The following PARD3 variants were observed in gnomAD, a reference collection of about 807,000 sequenced individuals.
The protein encoded by PARD3 is par-3 family cell polarity regulator.
In PARD3, 75 loss-of-function variants were observed where a neutral mutation model predicts 155.4. The observed-to-expected ratio is 0.48, with a 90% CI of 0.40 to 0.58. The LOEUF is 0.58. Ranked by LOEUF, PARD3 falls within the 20% of genes least tolerant of loss-of-function variation. PARD3 has a pLI of 0.00. For synonymous variants in PARD3, 576 were observed against 610.5 expected (o/e 0.94, Z 0.83); for missense variants, 1,642 against 1,721.7 (o/e 0.95, Z 0.82).
At chr10:34,412,605 C>T (rs953630151) in intron 5 of PARD3, among the ~76,000 whole-genome samples, 2 of 152,080 alleles carry the variant, frequency 1.3e-5, no homozygotes, top group Non-Finnish European at 1.5e-5. Flanking sequence ...ATCTTGAATC[C>T]GAGAAATGAA....
chr10:34,111,247 A>AT lies in PARD3; in HGVS notation c.3983dup (p.Asp1328GlufsTer19). 6.2e-7 allele frequency: 1 copy of AT among 1,612,834 alleles called. No homozygotes were observed. The highest frequency in any genetic ancestry group is 1.1e-5 in the South Asian group (1 of 91,032). The stretch of plus-strand genomic sequence containing the variant: ...CAACCTGAGAAGGGGAGGGGGGCAC[A>AT]TCTTGCCGGAAGGGCCCCTTGGGAG... On this transcript the variant is annotated frameshift_variant, in exon 25 of 25. Coordinates refer to ENST00000374788, the MANE Select transcript of PARD3 (RefSeq NM_001184785.2). LOFTEE classifies it high-confidence loss of function.
intron 2 of PARD3, among the ~76,000 whole-genome samples, chr10:34,608,531 AT>A (rs2090636901): frequency 7.4e-6 from 1 of 134,676 alleles, no homozygotes; most frequent in South Asian, 2.3e-4. Context: ...GTAAAAAAGA[AT>A]ACTTTTTTTT....
intron 23 of PARD3, among the ~76,000 whole-genome samples, chr10:34,123,112 G>A (rs1947093479): frequency 6.6e-6 from 1 of 152,138 alleles, no homozygotes; most frequent in Non-Finnish European, 1.5e-5. Flanking sequence ...ACCCTGTGAT[G>A]AAATTGGTTA....
At chr10:34,287,251 A>T (rs1485335824) in intron 20 of PARD3, among the ~76,000 whole-genome samples, 1 of 152,176 alleles carries the variant, frequency 6.6e-6, no homozygotes, top group African/African-American at 2.4e-5. Context: ...ATTTTAATAC[A>T]TCATTTTACT....
chr10:34,279,163 T>TTTTA (rs1210842587), intron 21 of PARD3, among the ~76,000 whole-genome samples: 2 of 148,126 alleles, frequency 1.4e-5, no homozygotes, highest in Non-Finnish European at 1.5e-5. Context: ...TTTTTTTTTT[T>TTTTA]AGAGACAAGC....
intron 22 of PARD3, among the ~76,000 whole-genome samples, chr10:34,243,015 T>C (rs1417076703): frequency 6.6e-6 from 1 of 152,234 alleles, no homozygotes; most frequent in East Asian, 1.9e-4. Flanking sequence ...TCCATTTGCA[T>C]TTCTATCTTG....
At chr10:34,281,728 T>G (rs1956168237) in intron 21 of PARD3, among the ~76,000 whole-genome samples, 2 of 152,188 alleles carry the variant, frequency 1.3e-5, no homozygotes, top group South Asian at 2.1e-4. Context: ...CTTTTAGTTT[T>G]TCAATATTTA....
At chr10:34,775,612 T>C (rs1054953424) in intron 1 of PARD3, among the ~76,000 whole-genome samples, 2 of 152,030 alleles carry the variant, frequency 1.3e-5, no homozygotes, top group African/African-American at 4.8e-5. Context: ...GTCCAAACAA[T>C]CTACTACAAG....
chr10:34,592,219 G>A (rs916791418), intron 2 of PARD3, among the ~76,000 whole-genome samples: 1 of 152,118 alleles, frequency 6.6e-6, no homozygotes, highest in African/African-American at 2.4e-5. Context: ...CACAATATTT[G>A]TTCGTAACAC....
At chr10:34,140,469 T>C (rs1048878197) in intron 22 of PARD3, among the ~76,000 whole-genome samples, 2 of 152,128 alleles carry the variant, frequency 1.3e-5, no homozygotes, top group African/African-American at 4.8e-5. Context: ...AATCGCTAAA[T>C]TAAGAGAGAA....
At chr10:34,649,872 T>C (rs1437900531) in intron 2 of PARD3, among the ~76,000 whole-genome samples, 2 of 152,196 alleles carry the variant, frequency 1.3e-5, no homozygotes, top group Non-Finnish European at 2.9e-5. Flanking sequence ...CTATAAACTT[T>C]TTTCCATTTT....
chr10:34,401,786 A>C, intron 6 of PARD3, 40 bp downstream of exon 6: 2 of 1,219,546 alleles, frequency 1.6e-6, no homozygotes, highest in South Asian at 2.4e-5. Flanking sequence ...ATGATGCTAC[A>C]TGTATACTGC....
chr10:34,390,049 C>T (rs958441649), intron 7 of PARD3, among the ~76,000 whole-genome samples: 5 of 152,088 alleles, frequency 3.3e-5, no homozygotes, highest in Admixed American at 3.3e-4. Flanking sequence ...GCTGAGAATG[C>T]ACAATTGAAA....
At chr10:34,530,106 G>A (rs2082741631) in intron 2 of PARD3, among the ~76,000 whole-genome samples, 1 of 152,076 alleles carries the variant, frequency 6.6e-6, no homozygotes, top group South Asian at 2.1e-4. Context: ...ATCTTCATGA[G>A]GAAGAAGAGG....
intron 2 of PARD3, among the ~76,000 whole-genome samples, chr10:34,687,615 C>T (rs1055000578): frequency 2.0e-4 from 31 of 152,134 alleles, no homozygotes; most frequent in African/African-American, 7.2e-4. Context: ...CTCACAGGGT[C>T]ACCACCAAAA....
intron 5 of PARD3, among the ~76,000 whole-genome samples, chr10:34,431,237 A>T (rs572985902): frequency 3.9e-5 from 6 of 152,332 alleles, no homozygotes; most frequent in Middle Eastern, 3.4e-3. Flanking sequence ...TGTGAGCATC[A>T]ATACACATGA....
intron 15 of PARD3, chr10:34,346,005 A>C (rs1332403860): frequency 2.0e-6 from 2 of 985,166 alleles, no homozygotes; most frequent in African/African-American, 1.7e-5. Context: ...AAAATATCCA[A>C]ATCATAAAAA....
chr10:34,672,342 A>G (rs1180926539), intron 2 of PARD3, among the ~76,000 whole-genome samples: 1 of 152,198 alleles, frequency 6.6e-6, no homozygotes. Flanking sequence ...CAAAAAATTT[A>G]CCACCAGCTG....
intron 3 of PARD3, among the ~76,000 whole-genome samples, chr10:34,471,544 A>T (rs1332055579): frequency 1.1e-4 from 17 of 152,174 alleles, no homozygotes; most frequent in Non-Finnish European, 1.5e-5. Context: ...GCCTCTAACA[A>T]TACAGTTTTA....
Sources: allele counts gnomAD v4.1 joint callset (sites outside exome capture counted in the v4.1 genomes callset), GRCh38; gene constraint gnomAD v4.1.1; transcripts MANE v1.5; gene names NCBI Gene and HGNC (gene_info 2026-07-23, HGNC 2026-07-21).